HTT: variants seen among roughly 807,000 people sequenced by gnomAD.
HTT encodes huntingtin.
A neutral mutation model predicts 362.3 loss-of-function variants in HTT; 104 were observed. The ratio of observed to expected loss-of-function variants is 0.29; its 90% confidence interval spans 0.24 to 0.34. The LOEUF (loss-of-function observed/expected upper bound fraction) is 0.34. Among genes scored for constraint, HTT ranks in the 10% least tolerant of loss-of-function variants. The pLI is 1.00. For missense variants in HTT, 3,301 were observed against 3,928.6 expected, an observed-to-expected ratio of 0.84 and a Z score of 4.27; for synonymous variants, 1,577 against 1,548.7, an observed-to-expected ratio of 1.02 and a Z score of -0.43.
At position 3,218,259 on chromosome 4, in the gene HTT, C is replaced by T. The variant is rs924784204; in HGVS notation, c.7242+307C>T. On this transcript the variant is annotated intron_variant, in intron 52 of 66. Coordinates refer to ENST00000355072, the MANE Select transcript of HTT (RefSeq NM_001388492.1). This position sits in a 1 kb window ranked among gnomAD's most constrained non-coding sequence, Gnocchi z 4.4. The stretch of plus-strand genomic sequence containing the variant: ...AATAGCAGACCAGAAACCACACCCC[C>T]TCGAGTGAGTGAGATTTTCCTTTGG... 1.1e-4 allele frequency among the ~76,000 whole-genome samples: 16 copies of T among 152,226 alleles called. No individual in the cohort carries two copies. Among genetic ancestry groups the T allele is most frequent in the African/African-American group, 3.9e-4 (16 of 41,462 alleles).
At position 3,218,349 on chromosome 4, in the gene HTT, A is replaced by G. The variant is rs1337542644; in HGVS notation, c.7242+397A>G. ...TCAGAATTGGTTTAAAGTAGGTGTT[A>G]TTGCCAGGCGCAGTAGCTCATGCCT... is the stretch of plus-strand genomic sequence containing the variant. On this transcript the variant is annotated intron_variant, in intron 52 of 66. Transcript: ENST00000355072. The surrounding 1 kb of genome is among the most constrained non-coding windows in gnomAD (Gnocchi z 4.4). Among the ~76,000 whole-genome samples the G allele has an allele frequency of 6.6e-6, 1 of 152,156 alleles. No homozygotes were observed. The highest frequency in any genetic ancestry group is 1.5e-5 in the Non-Finnish European group (1 of 68,022).
intron 60 of HTT, among the ~76,000 whole-genome samples, chr4:3,230,845 T>G (rs1431863265): frequency 6.6e-6 from 1 of 152,202 alleles, no homozygotes; most frequent in Admixed American, 6.5e-5. Context: ...CTTCTTGTAC[T>G]GTGGCACTGC....
Position 3,215,218 on chromosome 4 carries a change from C to G in HTT, c.7054+7C>G. 14 of 1,602,896 alleles carry G rather than the reference C, an allele frequency of 8.7e-6. No homozygotes were observed. Among genetic ancestry groups the G allele is most frequent in the Non-Finnish European group, 1.2e-5 (14 of 1,170,716 alleles). On this transcript the variant is annotated splice_region_variant and intron_variant, in intron 51 of 66. Coordinates refer to ENST00000355072, the MANE Select transcript of HTT (RefSeq NM_001388492.1). ...GTAGATCCAAACACACAGAGTAAGT[C>G]TCAGGACCCATTTTTTTCTTACATG...
rs1715581014 is a variant in HTT at position 3,127,565 on chromosome 4, G to A, written c.1704G>A (p.Gly568=). Residue 568 remains glycine, a synonymous_variant, in exon 12 of 67, where the codon GGG becomes GGA. Coordinates refer to ENST00000355072, the MANE Select transcript of HTT (RefSeq NM_001388492.1). ...ACAGCTCCCAGACCACCACCGAAGG[G>A]CCTGATTCAGCTGTTACCCCTTCAG... ...ISDSSQTTTE[G]PDSAVTPSDS... The A allele has an allele frequency of 2.5e-6, 4 of 1,613,912 alleles. No individual in the cohort carries two copies. The highest frequency in any genetic ancestry group is 1.1e-5 in the South Asian group (1 of 91,084).
At chr4:3,083,536 C>CTGT (rs1560539547) in intron 1 of HTT, among the ~76,000 whole-genome samples, 2 of 58,918 alleles carry the variant, frequency 3.4e-5, no homozygotes, top group Non-Finnish European at 9.0e-5. Flanking sequence ...AATATACACA[C>CTGT]ACACACACAC....
chr4:3,173,246 T>C (rs2110232522), intron 31 of HTT, 115 bp downstream of exon 31: 1 of 779,814 alleles, frequency 1.3e-6, no homozygotes, highest in Non-Finnish European at 2.1e-6. Flanking sequence ...AATAGTCTGC[T>C]GTATTCAGAG....
At chr4:3,237,040 A>G (rs1163768317) in intron 64 of HTT, among the ~76,000 whole-genome samples, 1 of 149,778 alleles carries the variant, frequency 6.7e-6, no homozygotes, top group Non-Finnish European at 1.5e-5. Flanking sequence ...CTGAACAGCC[A>G]AGCCTGTGCT....
chr4:3,176,968 C>T (rs1244776486), intron 33 of HTT, among the ~76,000 whole-genome samples: 1 of 152,182 alleles, frequency 6.6e-6, no homozygotes, highest in Non-Finnish European at 1.5e-5. Flanking sequence ...GGACGAAGGT[C>T]GACTCCTTTG....
In HTT at chr4:3,224,135, C is replaced by A; in HGVS notation, c.7765+4C>A. On this transcript the variant is annotated splice_donor_region_variant and intron_variant, in intron 56 of 66. Coordinates refer to ENST00000355072, the MANE Select transcript of HTT (RefSeq NM_001388492.1). ...TCTCTGTCTCCGGCTACTACAGGTA[C>A]CTGAGGGAAAGGGTGCGGGGGAGCG... The A allele has an allele frequency of 1.2e-6, 2 of 1,613,912 alleles. No homozygotes were observed. The highest frequency in any genetic ancestry group is 2.2e-5 in the South Asian group (2 of 91,062).
chr4:3,236,121 A>G (rs1721516927), intron 63 of HTT, 28 bp from the exon 64 acceptor site: 1 of 1,524,312 alleles, frequency 6.6e-7, no homozygotes, highest in Non-Finnish European at 9.1e-7. Flanking sequence ...TATAGAGGTA[A>G]CCTTCGTACT....
intron 38 of HTT, 122 bp downstream of exon 38, chr4:3,186,841 T>A: frequency 2.9e-6 from 1 of 348,202 alleles, no homozygotes. Context: ...GAGTTTGCTT[T>A]TTTTTTTTTT....
chr4:3,203,772 A>G (rs1327014490), intron 41 of HTT, among the ~76,000 whole-genome samples: 4 of 152,236 alleles, frequency 2.6e-5, no homozygotes, highest in Non-Finnish European at 5.9e-5. Context: ...TCAGGCAAGC[A>G]TTTTAATTTT....
At chr4:3,186,311 A>T (rs900841298) in intron 37 of HTT, among the ~76,000 whole-genome samples, 10 of 152,074 alleles carry the variant, frequency 6.6e-5, no homozygotes, top group African/African-American at 2.2e-4. Context: ...GTGCTAGTTG[A>T]TTTTTTTTCA....
chr4:3,224,200 A>T, intron 56 of HTT, 69 bp downstream of exon 56: 1 of 1,518,670 alleles, frequency 6.6e-7, no homozygotes. Context: ...TGGCATGCTC[A>T]CCACACCAGT....
At chr4:3,219,306 G>A (rs963978507) in intron 52 of HTT, among the ~76,000 whole-genome samples, 6 of 152,142 alleles carry the variant, frequency 3.9e-5, no homozygotes, top group Admixed American at 6.5e-5. Flanking sequence ...AGGAGGGCAC[G>A]GTCTTGAGGT....
At chr4:3,203,967 C>T (rs929648493) in intron 41 of HTT, 40 bp from the exon 42 acceptor site, 3 of 1,604,278 alleles carry the variant, frequency 1.9e-6, no homozygotes, top group Non-Finnish European at 8.5e-7. Context: ...AGCTCACTGC[C>T]ATCCAGAAAC....
rs758282669 is a variant in HTT at position 3,199,825 on chromosome 4, G to A, written c.5462G>A (p.Arg1821Gln). 1.4e-5 allele frequency: 23 copies of A among 1,614,168 alleles called. No homozygotes were observed. In the East Asian group the frequency reaches 2.7e-4, roughly 19 times the overall value. The change falls in exon 41 of 67, where the codon CGG (arginine) becomes CAG (glutamine). Residue 1821 changes from arginine to glutamine, a missense_variant. Transcript: ENST00000355072. The part of the protein sequence containing the change: ...SFYTLDSLNL[R>Q]ARSMITTHPA... The stretch of plus-strand genomic sequence containing the variant: ...TACACCCTGGACAGCTTGAACTTGC[G>A]GGCTCGTTCCATGATCACCACCCAC...
chr4:3,154,320 C>A lies in HTT; in HGVS notation c.3526C>A (p.Pro1176Thr). Reference sequence around the variant, plus strand: ...AGCCTTGCCTTCTCTAACAAACCCCCCTTCTCTAAGTCCCATCCGACGAAA... The same window carrying A: ...AGCCTTGCCTTCTCTAACAAACCCCACTTCTCTAAGTCCCATCCGACGAAA... ...KAALPSLTNP[P>T]SLSPIRRKGK... Residue 1176 changes from proline (P) to threonine (T), a missense_variant, in exon 27 of 67, where the codon CCT becomes ACT. Pro to Thr is a conservative substitution (Grantham distance 38). This residue lies in a region of HTT where 2,316 missense variants were observed against 2,658.5 expected (regional missense o/e 0.87). Coordinates refer to ENST00000355072, the MANE Select transcript of HTT (RefSeq NM_001388492.1). 6.2e-7 allele frequency: 1 copy of A among 1,605,598 alleles called. No homozygotes were observed. Among genetic ancestry groups the A allele is most frequent in the Non-Finnish European group, 8.5e-7 (1 of 1,175,630 alleles).
At chr4:3,227,839 C>T in intron 57 of HTT, among the ~76,000 whole-genome samples, 1 of 152,152 alleles carries the variant, frequency 6.6e-6, no homozygotes, top group South Asian at 2.1e-4. Context: ...CCTGCCCTGT[C>T]TGGGATGTTT....
Sources: gnomAD v4.1 joint callset for allele counts (sites outside exome capture counted in the v4.1 genomes callset) on GRCh38, gnomAD v4.1.1 for gene constraint, gnomAD v4.1.1 regional missense constraint, Gnocchi (gnomAD v3.1) non-coding constraint, MANE v1.5 for transcripts, NCBI Gene and HGNC (gene_info 2026-07-23, HGNC 2026-07-21) for gene names.